KYNU: variants seen among roughly 807,000 people sequenced by gnomAD.
KYNU encodes the protein kynureninase, also known as L-kynurenine hydrolase.
A neutral mutation model predicts 59.2 loss-of-function variants in KYNU; 54 were observed. That is an observed-to-expected ratio of 0.91 (90% confidence interval 0.73 to 1.14). KYNU has a LOEUF of 1.14. KYNU is among the 50% of genes most tolerant of loss of function. KYNU has a pLI of 0.00. For synonymous variants in KYNU, 177 were observed against 192.0 expected (o/e 0.92, Z 0.65); for missense variants, 567 against 554.4 (o/e 1.02, Z -0.23).
At chr2:142,890,975 AT>A (rs1199611037) in intron 2 of KYNU, among the ~76,000 whole-genome samples, 3 of 151,830 alleles carry the variant, frequency 2.0e-5, no homozygotes, top group African/African-American at 7.3e-5. Flanking sequence ...GTAATGTTTC[AT>A]TTTTTTTCTC....
At chr2:142,909,531 C>T (rs164732) in intron 2 of KYNU, among the ~76,000 whole-genome samples, 82,371 of 151,938 alleles carry the variant, frequency 0.54, 22,987 homozygotes, top group South Asian at 0.69. Flanking sequence ...TTAGCTCCCA[C>T]TTAAAAATGA....
rs1374411968 is a variant in KYNU, at chr2:142,899,374, T to C, written c.169+13838T>C. Among the ~76,000 whole-genome samples the C allele has an allele frequency of 2.6e-5, 4 of 152,136 alleles. No homozygotes were observed. In the East Asian group the frequency reaches 5.8e-4, roughly 22 times the overall value. On this transcript the variant is annotated intron_variant, in intron 2 of 13. Coordinates refer to ENST00000264170, the MANE Select transcript of KYNU (RefSeq NM_003937.3). ...TCAGTGAGCCCTCTTTACTACCCGA[T>C]TGGTCAGGTGTGAGCTGAGTTACCA... is the stretch of plus-strand genomic sequence containing the variant.
chr2:143,005,008 A>G (rs764321580), intron 10 of KYNU, among the ~76,000 whole-genome samples: 11 of 152,226 alleles, frequency 7.2e-5, no homozygotes, highest in Non-Finnish European at 1.3e-4. Flanking sequence ...ATAAAAACCA[A>G]CAAAAATATC....
At chr2:142,888,120 T>C (rs867192948) in intron 2 of KYNU, among the ~76,000 whole-genome samples, 1 of 152,286 alleles carries the variant, frequency 6.6e-6, no homozygotes, top group Middle Eastern at 3.4e-3. Flanking sequence ...AGATAAGAGA[T>C]AGAAATTGGT....
At chr2:143,037,147 T>C (rs888147872) in intron 12 of KYNU, among the ~76,000 whole-genome samples, 2 of 152,198 alleles carry the variant, frequency 1.3e-5, no homozygotes, top group African/African-American at 4.8e-5. Flanking sequence ...TCTTAAAATA[T>C]TGTGGATCAA....
At position 143,042,167 on chromosome 2, in the gene KYNU, A is replaced by C; in HGVS notation, c.1393A>C (p.Asn465His). 6.2e-7 allele frequency: 1 copy of C among 1,609,024 alleles called. No homozygotes were observed. The highest frequency in any genetic ancestry group is 8.5e-7 in the Non-Finnish European group (1 of 1,178,200). Residue 465 changes from asparagine (N) to histidine (H), a missense_variant, in exon 14 of 14, where the codon AAT becomes CAT. Transcript: ENST00000264170. The part of the protein sequence containing the change: ...TSILDSAETK[N>H] ...TATACTTGACTCTGCAGAAACAAAA[A>C]ATTAGCAGTGTTTTCTAGAACAACT...
At position 143,010,916 on chromosome 2, in the gene KYNU, A is replaced by T. The variant is rs1045962000; in HGVS notation, c.903-18711A>T. ...CACCTTATACAAAAATCAATTCAAG[A>T]TGGATTAAAGATTTAAACGTTAGAC... On this transcript the variant is annotated intron_variant, in intron 10 of 13. Coordinates refer to ENST00000264170, the MANE Select transcript of KYNU (RefSeq NM_003937.3). 1.4e-4 allele frequency among the ~76,000 whole-genome samples: 21 copies of T among 145,792 alleles called. No homozygotes were observed. In the South Asian group the frequency reaches 2.3e-3, roughly 16 times the overall value.
intron 2 of KYNU, among the ~76,000 whole-genome samples, chr2:142,902,132 C>T (rs1457823809): frequency 6.6e-6 from 1 of 152,154 alleles, no homozygotes; most frequent in Non-Finnish European, 1.5e-5. Context: ...GATCTCTTCC[C>T]TGTATTATTT....
chr2:142,992,371 A>C (rs1685420317), intron 10 of KYNU, among the ~76,000 whole-genome samples: 1 of 151,810 alleles, frequency 6.6e-6, no homozygotes, highest in Non-Finnish European at 1.5e-5. Context: ...CTACCATATC[A>C]TTTTGTCAAG....
rs544927973 is a variant in KYNU, at chr2:142,955,544, G to GA, written c.436-654dup. On this transcript the variant is annotated intron_variant, in intron 5 of 13. Coordinates refer to ENST00000264170, the MANE Select transcript of KYNU (RefSeq NM_003937.3). ...AATTACATAATGCTTATTTGAGGTT[G>GA]AAAAAGGCTTTTGGCATCTCTAAGT... Among the ~76,000 whole-genome samples, 440 of 152,102 alleles carry GA rather than the reference G, an allele frequency of 2.9e-3. 1 individual carries two copies. Among genetic ancestry groups the GA allele is most frequent in the African/African-American group, 0.01 (422 of 41,522 alleles).
chr2:142,890,135 AAGAG>A lies in KYNU; in HGVS notation c.169+4609_169+4612del, dbSNP rs575276194. On this transcript the variant is annotated intron_variant, in intron 2 of 13. Coordinates refer to ENST00000264170, the MANE Select transcript of KYNU (RefSeq NM_003937.3). The stretch of plus-strand genomic sequence containing the variant: ...AAATAAACAAGCAAAAGAAAGGAGG[AAGAG>A]AGAGAGAGAAGGAAAGAAAAGAAAG... Among the ~76,000 whole-genome samples the A allele has an allele frequency of 9.8e-3, 1,482 of 151,778 alleles. 11 individuals are homozygous for A. Among genetic ancestry groups the A allele is most frequent in the Non-Finnish European group, 0.016 (1,073 of 67,878 alleles).
chr2:142,927,802 A>C (rs1683092448), intron 4 of KYNU, 61 bp downstream of exon 4: 4 of 1,117,052 alleles, frequency 3.6e-6, no homozygotes, highest in Non-Finnish European at 2.8e-6. Flanking sequence ...ATTTAGTTAT[A>C]AACACAGGCT....
intron 10 of KYNU, among the ~76,000 whole-genome samples, chr2:142,997,643 T>C (rs980594785): frequency 2.0e-5 from 3 of 152,140 alleles, no homozygotes; most frequent in African/African-American, 7.2e-5. Context: ...TCTATGAAAA[T>C]GTATGTTCTT....
intron 10 of KYNU, among the ~76,000 whole-genome samples, chr2:143,002,838 A>G (rs972966257): frequency 2.0e-5 from 3 of 152,234 alleles, no homozygotes; most frequent in Non-Finnish European, 4.4e-5. Flanking sequence ...AAAATTTCAT[A>G]TATTATCTTT....
chr2:142,928,683 T>G (rs1034944415), intron 4 of KYNU, among the ~76,000 whole-genome samples: 44 of 152,016 alleles, frequency 2.9e-4, no homozygotes, highest in African/African-American at 1.1e-3. Flanking sequence ...TTTTGCTATA[T>G]GTCATGACTT....
At chr2:142,941,759 C>T (rs144310049) in intron 4 of KYNU, among the ~76,000 whole-genome samples, 33 of 152,260 alleles carry the variant, frequency 2.2e-4, no homozygotes, top group African/African-American at 6.5e-4. Flanking sequence ...CCATCTTTAT[C>T]GATAAAGGAG....
rs1165527143 is a variant in KYNU, at chr2:143,047,525, TTCTTTCTCTC to T, written c.*5363_*5372del. 1 of 152,018 alleles carries T rather than the reference TTCTTTCTCTC, an allele frequency of 6.6e-6. No homozygotes were observed. The highest frequency in any genetic ancestry group is 1.5e-5 in the Non-Finnish European group (1 of 67,990). The allele number at this position is 152,018 out of a possible 1,614,324, so 9.4% of individuals were successfully genotyped here. ...TTCCTTCCTTCTTTCCTTGTTCTCT[TTCTTTCTCTC>T]TCTTTCTCTTTCTCTCTTTCTTTCT... On this transcript the variant is annotated 3_prime_UTR_variant, in exon 14 of 14. Coordinates refer to ENST00000264170, the MANE Select transcript of KYNU (RefSeq NM_003937.3).
At chr2:142,907,008 C>A (rs1004643788) in intron 2 of KYNU, among the ~76,000 whole-genome samples, 1 of 152,180 alleles carries the variant, frequency 6.6e-6, no homozygotes, top group Non-Finnish European at 1.5e-5. Flanking sequence ...TCGTTTTTAA[C>A]CAGCCGACAG....
chr2:143,006,526 A>T lies in KYNU; in HGVS notation c.902+20505A>T, dbSNP rs58037980. Among the ~76,000 whole-genome samples the T allele has an allele frequency of 2.8e-4, 23 of 82,716 alleles. 1 individual carries two copies. The highest frequency in any genetic ancestry group is 7.3e-4 in the African/African-American group (14 of 19,252). The allele number at this position is 82,716 out of a possible 152,430, so 54.3% of individuals were successfully genotyped here. On this transcript the variant is annotated intron_variant, in intron 10 of 13. Transcript: ENST00000264170. ...GCTTGATTAGGTAAACAAAGCAGCC[A>T]GGAAGCTCAAACTGGGTGGAGCCCA... is the stretch of plus-strand genomic sequence containing the variant.
Sources: gnomAD v4.1 joint callset for allele counts (sites outside exome capture counted in the v4.1 genomes callset) on GRCh38, gnomAD v4.1.1 for gene constraint, MANE v1.5 for transcripts, NCBI Gene and HGNC (gene_info 2026-07-23, HGNC 2026-07-21) for gene names.